Variants in SRFBP1 observed in about 807,000 individuals in gnomAD.
SRFBP1 encodes the protein serum response factor binding protein 1, also known as serum response factor-binding protein 1.
In SRFBP1, 47 loss-of-function variants were observed where a neutral mutation model predicts 45.5. The observed-to-expected ratio is 1.03, with a 90% CI of 0.82 to 1.32. SRFBP1 has a LOEUF of 1.32. Ranked by LOEUF, SRFBP1 falls within the 40% of genes most tolerant of loss-of-function variation. The pLI is 0.00. For missense variants in SRFBP1, 621 were observed against 484.6 expected, an observed-to-expected ratio of 1.28 and a Z score of -2.64; for synonymous variants, 203 against 166.3, an observed-to-expected ratio of 1.22 and a Z score of -1.70.
At chr5:122,066,721 A>G (rs1231624628) in intron 2 of SRFBP1, 1 of 1,596,322 alleles carries the variant, frequency 6.3e-7, no homozygotes, top group Non-Finnish European at 8.6e-7. Context: ...TGATTTATCC[A>G]TTGGGAGTTT....
intron 2 of SRFBP1, among the ~76,000 whole-genome samples, chr5:122,059,602 T>C (rs904995109): frequency 2.6e-5 from 4 of 152,136 alleles, no homozygotes; most frequent in Non-Finnish European, 5.9e-5. Flanking sequence ...TGGATATAGC[T>C]GACTACTTGT....
chr5:122,057,662 T>TTTTGATAATG (rs929696117), intron 2 of SRFBP1, among the ~76,000 whole-genome samples: 2 of 151,770 alleles, frequency 1.3e-5, no homozygotes, highest in Admixed American at 6.6e-5. Flanking sequence ...AAAATACTGA[T>TTTTGATAATG]TTTGATAATG....
At chr5:122,035,321 G>A (rs1003316749) in intron 2 of SRFBP1, among the ~76,000 whole-genome samples, 3 of 152,074 alleles carry the variant, frequency 2.0e-5, no homozygotes, top group Admixed American at 6.5e-5. Context: ...TCATATCTAT[G>A]AGCCTAAGAT....
intron 2 of SRFBP1, among the ~76,000 whole-genome samples, chr5:122,044,400 C>T (rs936947631): frequency 1.3e-5 from 2 of 152,126 alleles, no homozygotes; most frequent in African/African-American, 4.8e-5. Context: ...TAATAATTCT[C>T]TTTCGAGTTC....
chr5:122,045,827 C>G (rs927534835), intron 2 of SRFBP1, among the ~76,000 whole-genome samples: 1 of 152,038 alleles, frequency 6.6e-6, no homozygotes, highest in Non-Finnish European at 1.5e-5. Context: ...TTTCTCTCTT[C>G]CTATTTGGAG....
intron 6 of SRFBP1, among the ~76,000 whole-genome samples, chr5:122,022,159 C>T (rs1160047582): frequency 6.6e-6 from 1 of 152,092 alleles, no homozygotes; most frequent in African/African-American, 2.4e-5. Flanking sequence ...GAAATAGGTC[C>T]TCATGTGTCT....
intron 3 of SRFBP1, among the ~76,000 whole-genome samples, chr5:121,994,185 G>A (rs1752670984): frequency 1.3e-5 from 2 of 151,772 alleles, no homozygotes; most frequent in South Asian, 4.1e-4. Context: ...TGTTTTATTT[G>A]ATGCATAGTC....
Position 122,020,407 on chromosome 5 carries a change from C to T in SRFBP1, c.672C>T (p.Asp224=), listed in dbSNP as rs1284357579. 1.2e-6 allele frequency: 2 copies of T among 1,614,010 alleles called. No homozygotes were observed. The highest frequency in any genetic ancestry group is 1.3e-5 in the African/African-American group (1 of 75,006). ...VSLESQKTPA[D]PKLKTLSQTK... is the part of the protein sequence containing the mutation. ...TTGAGTCCCAGAAGACACCTGCTGACCCAAAACTGAAAACTCTAAGTCAAA... is the reference window on the plus strand; with the variant it reads ...TTGAGTCCCAGAAGACACCTGCTGATCCAAAACTGAAAACTCTAAGTCAAA... The change falls in exon 6 of 8, where the codon GAC becomes GAT. Residue 224 remains aspartate (D), a synonymous_variant. Coordinates refer to ENST00000339397, the MANE Select transcript of SRFBP1 (RefSeq NM_152546.3).
In SRFBP1 at chr5:122,027,274, C is replaced by T. The variant is rs1753502940; in HGVS notation, c.*148C>T. 1 of 595,996 alleles carries T rather than the reference C, an allele frequency of 1.7e-6. No homozygotes were observed. 36.9% of individuals were successfully genotyped at this position (595,996 alleles called of 1,614,324 possible). On this transcript the variant is annotated 3_prime_UTR_variant, in exon 8 of 8. Transcript: ENST00000339397. ...CTCCTGGGCTCAAGTGATCCTCCCA[C>T]CTCTGCCTCCCAAAGGGCTGGGACT...
At chr5:122,056,869 A>G (rs1321958253) in intron 2 of SRFBP1, among the ~76,000 whole-genome samples, 3 of 152,164 alleles carry the variant, frequency 2.0e-5, no homozygotes, top group Non-Finnish European at 4.4e-5. Flanking sequence ...TCTAAGGGAA[A>G]TAGTCAGTTG....
rs79542506 is a variant in SRFBP1 at position 122,035,553 on chromosome 5, C to T, written n.311+13146C>T. Among the ~76,000 whole-genome samples, 994 of 152,196 alleles carry T rather than the reference C, an allele frequency of 6.5e-3. 12 individuals are homozygous for T. The highest frequency in any genetic ancestry group is 0.018 in the African/African-American group (738 of 41,510). On this transcript the variant is annotated intron_variant and non_coding_transcript_variant, in intron 2 of 2. Transcript: ENST00000504881. ...CTAGATCTCTGGCTGCTTGGTTTTC[C>T]GACTACCACATCTCTTTGTTGGATT...
chr5:122,011,392 T>C (rs1315468150), intron 4 of SRFBP1, among the ~76,000 whole-genome samples: 6 of 152,124 alleles, frequency 3.9e-5, no homozygotes, highest in Admixed American at 3.9e-4. Context: ...GCAAACATTA[T>C]GTCAACTTTA....
chr5:122,001,948 A>G (rs1157657155), intron 4 of SRFBP1, among the ~76,000 whole-genome samples: 1 of 152,182 alleles, frequency 6.6e-6, no homozygotes, highest in Admixed American at 6.5e-5. Flanking sequence ...TCTAAAAGAG[A>G]ATTTATACTT....
intron 3 of SRFBP1, among the ~76,000 whole-genome samples, chr5:121,992,736 A>G (rs1752643653): frequency 6.6e-6 from 1 of 151,980 alleles, no homozygotes. Context: ...CAATCAAATA[A>G]CATGTTTTCC....
At chr5:122,021,973 C>T (rs1356197887) in intron 6 of SRFBP1, among the ~76,000 whole-genome samples, 5 of 151,864 alleles carry the variant, frequency 3.3e-5, no homozygotes, top group African/African-American at 9.7e-5. Flanking sequence ...GGATTACAGG[C>T]GTGACCCACC....
At chr5:121,974,390 T>C in intron 2 of SRFBP1, 106 bp downstream of exon 2, 1 of 740,096 alleles carries the variant, frequency 1.4e-6, no homozygotes, top group Non-Finnish European at 2.3e-6. Context: ...TAATTAAATG[T>C]CTTATACACC....
Position 121,962,066 on chromosome 5 carries a change from G to C in SRFBP1, c.34G>C (p.Glu12Gln), listed in dbSNP as rs759082557. 9 of 1,614,044 alleles carry C rather than the reference G, an allele frequency of 5.6e-6. No homozygotes were observed. The highest frequency in any genetic ancestry group is 5.5e-5 in the South Asian group (5 of 91,084). The change falls in exon 1 of 8, where the codon GAG (glutamate) becomes CAG (glutamine). Residue 12 changes from glutamate (E) to glutamine (Q), a missense_variant and splice_region_variant. By Grantham distance (29) the Glu-to-Gln change is conservative. Transcript: ENST00000339397. ...AQPGTLNLNNEVVKMRKEVKR... is the reference protein window; with the variant it reads ...AQPGTLNLNNQVVKMRKEVKR... Reference sequence around the variant, plus strand: ...GCCGGGAACTCTGAACCTCAATAACGAGGTGAGCGCCGAGGAACCTATGGG... The same window carrying C: ...GCCGGGAACTCTGAACCTCAATAACCAGGTGAGCGCCGAGGAACCTATGGG...
downstream of SRFBP1, chr5:122,077,112 A>G: frequency 1.3e-6 from 2 of 1,506,728 alleles, no homozygotes; most frequent in Admixed American, 2.2e-5. The surrounding 1 kb of genome is among the most constrained non-coding windows in gnomAD (Gnocchi z 4.9). Flanking sequence ...CCGGGACTGC[A>G]GAGTGGAGCG....
chr5:122,040,353 T>G (rs1753755931), intron 2 of SRFBP1, among the ~76,000 whole-genome samples: 1 of 152,168 alleles, frequency 6.6e-6, no homozygotes, highest in African/African-American at 2.4e-5. Context: ...TTAAGTAGCC[T>G]TAAGCTGAAT....
Sources: allele counts gnomAD v4.1 joint callset (sites outside exome capture counted in the v4.1 genomes callset), GRCh38; gene constraint gnomAD v4.1.1; non-coding constraint Gnocchi (gnomAD v3.1); transcripts MANE v1.5; gene names NCBI Gene and HGNC (gene_info 2026-07-23, HGNC 2026-07-21).